The following NCOA2 variants were observed in gnomAD, a reference collection of about 807,000 sequenced individuals.
The protein encoded by NCOA2 is nuclear receptor coactivator 2, also known as class E basic helix-loop-helix protein 75.
Under a neutral mutation model 145.1 loss-of-function variants are expected in NCOA2, and 21 were observed. The observed-to-expected ratio is 0.14, with a 90% CI of 0.10 to 0.21. NCOA2 has a LOEUF of 0.21. NCOA2 is among the 10% of genes least tolerant of loss of function. NCOA2 has a pLI of 1.00. For synonymous variants in NCOA2, 619 were observed against 637.5 expected, an observed-to-expected ratio of 0.97 and a Z score of 0.44; for missense variants, 1,472 against 1,837.6, an observed-to-expected ratio of 0.80 and a Z score of 3.64.
chr8:70,128,771 G>A lies in NCOA2; in HGVS notation c.3534C>T (p.Pro1178=). ...LRMQPRPGLR[P]TGLVQNQPNQ... is the part of the protein sequence containing the mutation. ...TTGGCTGGTTCTGCACTAGGCCCGT[G>A]GGCCTGAGGCCCGGTCTGGGCTGCA... Residue 1178 remains proline, a synonymous_variant, in exon 17 of 23, where the codon CCC becomes CCT. Transcript: ENST00000452400. 1 of 1,614,040 alleles carries A rather than the reference G, an allele frequency of 6.2e-7. No homozygotes were observed.
chr8:70,420,909 C>T, the NCOA2 span, among the ~76,000 whole-genome samples: 1 of 152,160 alleles, frequency 6.6e-6, no homozygotes, highest in Admixed American at 6.5e-5. Flanking sequence ...TCCCAAAGTG[C>T]TGGGATTACA....
Position 70,144,769 on chromosome 8 carries a change from G to T in NCOA2, c.2685C>A (p.Ser895Arg), listed in dbSNP as rs1810832017. 2 of 1,613,938 alleles carry T rather than the reference G, an allele frequency of 1.2e-6. No individual in the cohort carries two copies. The highest frequency in any genetic ancestry group is 1.6e-4 in the Middle Eastern group (1 of 6,062). Reference protein sequence around the residue: ...QNLPLDITLQSPTGAGPFPPI... With the variant: ...QNLPLDITLQRPTGAGPFPPI... ...GTGGGAAAGGTCCAGCACCAGTTGG[G>T]CTTTGCAATGTGATGTCAAGTGGTA... is the stretch of plus-strand genomic sequence containing the variant. Residue 895 changes from serine to arginine, a missense_variant, in exon 13 of 23, where the codon AGC becomes AGA. Transcript: ENST00000452400.
chr8:70,230,723 G>C (rs77931642), intron 2 of NCOA2, among the ~76,000 whole-genome samples: 11,549 of 152,060 alleles, frequency 0.076, 547 homozygotes, highest in East Asian at 0.13. Context: ...CATGCTCCTA[G>C]TATACAATTT....
intron 1 of NCOA2, among the ~76,000 whole-genome samples, chr8:70,343,477 T>C (rs897418155): frequency 6.6e-6 from 1 of 151,930 alleles, no homozygotes; most frequent in Non-Finnish European, 1.5e-5. Context: ...ATTAAGGATC[T>C]AGTATCACTT....
chr8:70,201,237 T>C (rs1414973599), intron 4 of NCOA2, among the ~76,000 whole-genome samples: 1 of 152,170 alleles, frequency 6.6e-6, no homozygotes, highest in African/African-American at 2.4e-5. Flanking sequence ...CAAGCAGAAC[T>C]GCAATTCTTG....
intron 2 of NCOA2, among the ~76,000 whole-genome samples, chr8:70,237,788 A>G (rs917075520): frequency 6.6e-6 from 1 of 152,050 alleles, no homozygotes; most frequent in African/African-American, 2.4e-5. Flanking sequence ...ACAAAAGAAG[A>G]GTTTACAAAG....
intron 22 of NCOA2, among the ~76,000 whole-genome samples, chr8:70,117,782 AG>A (rs1396507534): frequency 6.6e-6 from 1 of 152,262 alleles, no homozygotes; most frequent in Non-Finnish European, 1.5e-5. Flanking sequence ...TAGCTCTACC[AG>A]ACAGTTGTGG....
intron 2 of NCOA2, among the ~76,000 whole-genome samples, chr8:70,261,282 T>A (rs1448113469): frequency 6.6e-6 from 1 of 152,150 alleles, no homozygotes; most frequent in Non-Finnish European, 1.5e-5. Context: ...ATAAAAATGA[T>A]GAGTTCATGT....
chr8:70,451,087 G>A, the NCOA2 span, among the ~76,000 whole-genome samples: 553 of 149,328 alleles, frequency 3.7e-3, 2 homozygotes, highest in Non-Finnish European at 6.6e-3. Flanking sequence ...GCCTGGTGGC[G>A]GGCGCCTGTA....
intron 5 of NCOA2, among the ~76,000 whole-genome samples, chr8:70,172,881 A>G (rs1202484944): frequency 6.6e-6 from 1 of 152,192 alleles, no homozygotes. Context: ...TCACTATGAT[A>G]TGCTCTGATG....
At chr8:70,189,456 C>T (rs1816439576) in intron 4 of NCOA2, among the ~76,000 whole-genome samples, 1 of 152,176 alleles carries the variant, frequency 6.6e-6, no homozygotes, top group African/African-American at 2.4e-5. Context: ...ATCTGTGTAT[C>T]TCTATTCACC....
At chr8:70,270,223 G>A (rs1208365860) in intron 2 of NCOA2, among the ~76,000 whole-genome samples, 1 of 151,842 alleles carries the variant, frequency 6.6e-6, no homozygotes, top group Non-Finnish European at 1.5e-5. Flanking sequence ...AAAGAAAAGA[G>A]AACATTAGGG....
intron 2 of NCOA2, among the ~76,000 whole-genome samples, chr8:70,283,125 G>A (rs2135508611): frequency 6.6e-6 from 1 of 152,312 alleles, no homozygotes; most frequent in African/African-American, 2.4e-5. Flanking sequence ...AACACATTCT[G>A]TAATTCAGTG....
chr8:70,398,803 G>T (rs1323542078), intron 1 of NCOA2, among the ~76,000 whole-genome samples: 1 of 152,066 alleles, frequency 6.6e-6, no homozygotes, highest in African/African-American at 2.4e-5. Flanking sequence ...AATTATCCTG[G>T]AATCAACATT....
At chr8:70,447,895 G>A in the NCOA2 span, among the ~76,000 whole-genome samples, 9 of 151,962 alleles carry the variant, frequency 5.9e-5, no homozygotes, top group Non-Finnish European at 1.3e-4. Context: ...ATATTGCCCA[G>A]GCTGGTCTCA....
intron 2 of NCOA2, among the ~76,000 whole-genome samples, chr8:70,257,036 C>G (rs1167021879): frequency 9.2e-5 from 14 of 152,202 alleles, no homozygotes; most frequent in Non-Finnish European, 1.6e-4. Flanking sequence ...ATCTTCTAAT[C>G]CTCAACAGCC....
intron 2 of NCOA2, among the ~76,000 whole-genome samples, chr8:70,272,876 A>T (rs1469710277): frequency 6.6e-6 from 1 of 152,156 alleles, no homozygotes. Context: ...TTTAATATTT[A>T]CAGTGAAGAA....
At chr8:70,257,203 C>T (rs898065021) in intron 2 of NCOA2, among the ~76,000 whole-genome samples, 2 of 152,158 alleles carry the variant, frequency 1.3e-5, no homozygotes, top group African/African-American at 2.4e-5. Flanking sequence ...CCTTCTGATG[C>T]TGCTATAAAT....
At chr8:70,364,952 A>T (rs1035542017) in intron 1 of NCOA2, among the ~76,000 whole-genome samples, 6 of 151,778 alleles carry the variant, frequency 4.0e-5, no homozygotes, top group Non-Finnish European at 7.4e-5. Flanking sequence ...GGAGGGTCTT[A>T]TTACAATGGC....
Sources: gnomAD v4.1 joint callset for allele counts (sites outside exome capture counted in the v4.1 genomes callset) on GRCh38, gnomAD v4.1.1 for gene constraint, MANE v1.5 for transcripts, NCBI Gene and HGNC (gene_info 2026-07-23, HGNC 2026-07-21) for gene names.